CSMD1: variants seen among roughly 807,000 people sequenced by gnomAD.
The protein encoded by CSMD1 is CUB and sushi domain-containing protein 1.
In CSMD1, 213 loss-of-function variants were observed where a neutral mutation model predicts 417.5. The ratio of observed to expected loss-of-function variants is 0.51; its 90% CI spans 0.46 to 0.57. CSMD1 has a LOEUF of 0.57. CSMD1 is among the 20% of genes least tolerant of loss of function. The pLI is 0.00. For missense variants in CSMD1, 6,923 were observed against 4,529.7 expected (o/e 1.53, Z -15.17); for synonymous variants, 2,862 against 1,736.8 (o/e 1.65, Z -16.11).
At chr8:3,996,853 A>T (rs1473085218) in intron 5 of CSMD1, among the ~76,000 whole-genome samples, 1 of 152,220 alleles carries the variant, frequency 6.6e-6, no homozygotes, top group Non-Finnish European at 1.5e-5. Context: ...GATTTGGAAA[A>T]CAAAGTGCAA....
intron 2 of CSMD1, among the ~76,000 whole-genome samples, chr8:4,452,615 T>G (rs1799216092): frequency 6.6e-6 from 1 of 152,194 alleles, no homozygotes. Context: ...ATAATAGTTT[T>G]TATGTGAAGT....
intron 41 of CSMD1, among the ~76,000 whole-genome samples, chr8:3,120,366 G>C (rs765372420): frequency 6.6e-6 from 1 of 152,190 alleles, no homozygotes; most frequent in Non-Finnish European, 1.5e-5. Context: ...ACAGCAACCA[G>C]GCAACGCAAT....
chr8:4,104,437 T>TGC (rs1319115404), intron 3 of CSMD1, among the ~76,000 whole-genome samples: 2 of 137,950 alleles, frequency 1.4e-5, no homozygotes, highest in Admixed American at 7.1e-5. Context: ...CGCACACGCA[T>TGC]GCACACACAC....
chr8:3,903,827 C>T (rs1405055400), intron 5 of CSMD1, among the ~76,000 whole-genome samples: 1 of 152,108 alleles, frequency 6.6e-6, no homozygotes, highest in Non-Finnish European at 1.5e-5. Flanking sequence ...TCTTCGAGCT[C>T]TGAGGTCTCT....
chr8:3,304,962 C>A (rs1032448117), intron 25 of CSMD1, among the ~76,000 whole-genome samples: 1 of 152,150 alleles, frequency 6.6e-6, no homozygotes, highest in Non-Finnish European at 1.5e-5. Flanking sequence ...TACAACTTTT[C>A]AAAATCAAAG....
At chr8:3,948,611 T>C (rs1285430843) in intron 5 of CSMD1, among the ~76,000 whole-genome samples, 2 of 152,156 alleles carry the variant, frequency 1.3e-5, no homozygotes, top group Admixed American at 6.5e-5. Flanking sequence ...TTAACATCAA[T>C]TCCACATACT....
chr8:3,112,800 CATAAG>C (rs926276362), intron 42 of CSMD1, among the ~76,000 whole-genome samples: 6 of 152,194 alleles, frequency 3.9e-5, no homozygotes, highest in African/African-American at 1.4e-4. Context: ...CTCATCATCA[CATAAG>C]ATAACAATAT....
At chr8:3,429,874 G>C (rs1365306100) in intron 12 of CSMD1, among the ~76,000 whole-genome samples, 3 of 152,040 alleles carry the variant, frequency 2.0e-5, no homozygotes, top group Non-Finnish European at 4.4e-5. Context: ...ACTGAGTTTG[G>C]TCACATAAAC....
At chr8:3,877,073 G>A (rs540388915) in intron 5 of CSMD1, among the ~76,000 whole-genome samples, 3 of 152,158 alleles carry the variant, frequency 2.0e-5, no homozygotes, top group Non-Finnish European at 4.4e-5. Context: ...AATGTCTTAA[G>A]GTTCTTACAA....
chr8:4,156,712 G>A (rs182323870), intron 3 of CSMD1, among the ~76,000 whole-genome samples: 53 of 152,268 alleles, frequency 3.5e-4, no homozygotes, highest in African/African-American at 1.1e-3. Context: ...AAGAGACTAT[G>A]TGCAGTTTGC....
At chr8:4,594,796 A>G (rs1450081955) in intron 2 of CSMD1, among the ~76,000 whole-genome samples, 5 of 152,154 alleles carry the variant, frequency 3.3e-5, no homozygotes, top group Admixed American at 6.5e-5. Flanking sequence ...ACATATCATC[A>G]TATTTCTGAT....
At chr8:4,160,768 G>A (rs1271112508) in intron 3 of CSMD1, among the ~76,000 whole-genome samples, 1 of 152,122 alleles carries the variant, frequency 6.6e-6, no homozygotes, top group Non-Finnish European at 1.5e-5. Context: ...AGTCACACTT[G>A]GATGAAAGCA....
At chr8:3,458,502 G>T (rs911320507) in intron 12 of CSMD1, among the ~76,000 whole-genome samples, 1 of 152,106 alleles carries the variant, frequency 6.6e-6, no homozygotes, top group Non-Finnish European at 1.5e-5. Flanking sequence ...AACAAAAAAG[G>T]GTGATGACTG....
chr8:3,872,666 A>G (rs898673530), intron 5 of CSMD1, among the ~76,000 whole-genome samples: 1 of 152,094 alleles, frequency 6.6e-6, no homozygotes, highest in Non-Finnish European at 1.5e-5. Context: ...TTATTTCCTG[A>G]GCCCTTCATT....
chr8:4,152,963 C>T (rs143972478), intron 3 of CSMD1, among the ~76,000 whole-genome samples: 350 of 152,202 alleles, frequency 2.3e-3, no homozygotes, highest in African/African-American at 8.0e-3. Context: ...ATGGTATTTG[C>T]CTTCATTTTT....
chr8:3,769,791 T>C (rs192518005), intron 5 of CSMD1, among the ~76,000 whole-genome samples: 61 of 152,366 alleles, frequency 4.0e-4, no homozygotes, highest in African/African-American at 1.3e-3. Flanking sequence ...ATAAGTTTTA[T>C]AGCACATCAC....
chr8:3,769,930 T>C (rs1260628833), intron 5 of CSMD1, among the ~76,000 whole-genome samples: 1 of 152,224 alleles, frequency 6.6e-6, no homozygotes. Context: ...ATATTGCTCT[T>C]TACAAAAAAT....
At chr8:3,410,231 G>A (rs1282002128) in intron 12 of CSMD1, among the ~76,000 whole-genome samples, 3 of 152,120 alleles carry the variant, frequency 2.0e-5, no homozygotes, top group Non-Finnish European at 4.4e-5. Context: ...TACACAGAAT[G>A]TTTTCATTAA....
intron 3 of CSMD1, among the ~76,000 whole-genome samples, chr8:4,125,577 A>G (rs1802716531): frequency 6.6e-6 from 1 of 152,200 alleles, no homozygotes; most frequent in African/African-American, 2.4e-5. Flanking sequence ...AAATTAACTG[A>G]GACTGAAACT....
Sources: gnomAD v4.1 joint callset for allele counts (sites outside exome capture counted in the v4.1 genomes callset) on GRCh38, gnomAD v4.1.1 for gene constraint, MANE v1.5 for transcripts, NCBI Gene and HGNC (gene_info 2026-07-23, HGNC 2026-07-21) for gene names.